TLN2: variants seen among roughly 807,000 people sequenced by gnomAD.
TLN2 encodes talin-2.
A neutral mutation model predicts 294.7 loss-of-function variants in TLN2; 118 were observed. The observed-to-expected ratio is 0.40, with a 90% CI of 0.34 to 0.47. The LOEUF (loss-of-function observed/expected upper bound fraction) is 0.47, where lower values mean the gene tolerates loss of function less well. Ranked by LOEUF, TLN2 falls within the 20% of genes least tolerant of loss-of-function variation. The pLI is 0.84. For missense variants in TLN2, 3,083 were observed against 3,282.2 expected, an observed-to-expected ratio of 0.94 and a Z score of 1.48; for synonymous variants, 1,431 against 1,304.5, an observed-to-expected ratio of 1.10 and a Z score of -2.09.
intron 1 of TLN2, among the ~76,000 whole-genome samples, chr15:62,544,368 T>C (rs2041871608): frequency 6.6e-6 from 1 of 152,162 alleles, no homozygotes; most frequent in African/African-American, 2.4e-5. Flanking sequence ...CTGTGGGGCA[T>C]CTGCTTCCTT....
intron 1 of TLN2, among the ~76,000 whole-genome samples, chr15:62,406,284 C>T (rs1410496877): frequency 6.6e-6 from 1 of 152,170 alleles, no homozygotes. Context: ...AGAAGGGCAT[C>T]TTCTCCCCGT....
intron 21 of TLN2, 81 bp downstream of exon 21, chr15:62,708,877 G>A: frequency 1.4e-6 from 2 of 1,473,714 alleles, no homozygotes; most frequent in South Asian, 1.3e-5. Context: ...GGAAGGTGAA[G>A]GCTGCCTGGA....
In TLN2 at chr15:62,741,748, C is replaced by CGCGTGTGTGTGTGTGTGTGTGTGTGT; in HGVS notation, c.4025+980_4025+981insCGTGTGTGTGTGTGTGTGTGTGTGTG. ...TTAACTTGGTTTTTTAAAATTTGCG[C>CGCGTGTGTGTGTGTGTGTGTGTGTGT]GTGTGTGTGTGTGTGTGTGTCTTTA... is the stretch of plus-strand genomic sequence containing the variant. On this transcript the variant is annotated intron_variant, in intron 32 of 58. Coordinates refer to ENST00000636159, the MANE Select transcript of TLN2 (RefSeq NM_015059.3). 3.3e-3 allele frequency among the ~76,000 whole-genome samples: 434 copies of CGCGTGTGTGTGTGTGTGTGTGTGTGT among 131,142 alleles called. 3 individuals are homozygous for CGCGTGTGTGTGTGTGTGTGTGTGTGT. Among genetic ancestry groups the CGCGTGTGTGTGTGTGTGTGTGTGTGT allele is most frequent in the African/African-American group, 7.7e-3 (264 of 34,320 alleles). 86.0% of individuals were successfully genotyped at this position (131,142 alleles called of 152,430 possible). A position where few individuals can be genotyped will look rare whatever the true frequency, so the allele number is the denominator to read the frequency against.
At chr15:62,498,451 A>T (rs1595943428) in intron 1 of TLN2, among the ~76,000 whole-genome samples, 1 of 152,074 alleles carries the variant, frequency 6.6e-6, no homozygotes, top group African/African-American at 2.4e-5. Flanking sequence ...CCTCCTGAGG[A>T]GTTTGTTGGA....
intron 1 of TLN2, among the ~76,000 whole-genome samples, chr15:62,555,731 A>G (rs1385664132): frequency 6.6e-6 from 1 of 152,190 alleles, no homozygotes; most frequent in African/African-American, 2.4e-5. Flanking sequence ...ATAATGTGTC[A>G]AACAGTTTGC....
intron 1 of TLN2, among the ~76,000 whole-genome samples, chr15:62,492,657 A>AT (rs370521353): frequency 1.5e-3 from 227 of 151,580 alleles, no homozygotes; most frequent in African/African-American, 4.9e-3. Context: ...TCCTTTTGTG[A>AT]TTTTTTTTCA....
At chr15:62,723,514 G>A (rs1444525644) in intron 26 of TLN2, among the ~76,000 whole-genome samples, 2 of 149,178 alleles carry the variant, frequency 1.3e-5, no homozygotes, top group East Asian at 2.0e-4. Context: ...TGTCCATTGG[G>A]TACAGGAAGA....
intron 1 of TLN2, among the ~76,000 whole-genome samples, chr15:62,551,916 A>T (rs1025050858): frequency 2.6e-5 from 4 of 152,230 alleles, no homozygotes; most frequent in African/African-American, 7.2e-5. Flanking sequence ...CCTTGACATT[A>T]AAATTATTTA....
intron 26 of TLN2, among the ~76,000 whole-genome samples, chr15:62,723,690 T>C (rs1372696665): frequency 1.3e-5 from 2 of 151,918 alleles, no homozygotes; most frequent in Non-Finnish European, 2.9e-5. Flanking sequence ...CACTGTCATG[T>C]GCCACCACAT....
intron 1 of TLN2, among the ~76,000 whole-genome samples, chr15:62,435,646 A>C (rs552225997): frequency 6.6e-6 from 1 of 151,312 alleles, no homozygotes; most frequent in Non-Finnish European, 1.5e-5. Context: ...GGTTCGAGCA[A>C]CTCTCTTGCC....
chr15:62,790,258 A>G (rs376671749), intron 45 of TLN2, among the ~76,000 whole-genome samples: 18 of 152,338 alleles, frequency 1.2e-4, no homozygotes, highest in African/African-American at 4.3e-4. Flanking sequence ...ATTTTAACTC[A>G]TAAAGGAAGA....
At chr15:62,559,762 AC>A (rs2140586919) in intron 1 of TLN2, among the ~76,000 whole-genome samples, 1 of 152,312 alleles carries the variant, frequency 6.6e-6, no homozygotes, top group East Asian at 1.9e-4. Context: ...AGAACTGGGG[AC>A]TGAGGCACTG....
chr15:62,480,444 A>G (rs28472935), intron 1 of TLN2, among the ~76,000 whole-genome samples: 94,370 of 151,968 alleles, frequency 0.62, 29,654 homozygotes, highest in African/African-American at 0.67. Flanking sequence ...GGCTGATCTC[A>G]AACTCCTGGC....
intron 50 of TLN2, among the ~76,000 whole-genome samples, chr15:62,802,745 C>G (rs184981459): frequency 8.5e-5 from 13 of 152,280 alleles, no homozygotes; most frequent in Non-Finnish European, 1.6e-4. Flanking sequence ...TTTGTTATTG[C>G]CTGCCTTTTG....
At chr15:62,630,360 C>T (rs1037571251) in intron 3 of TLN2, among the ~76,000 whole-genome samples, 1 of 152,162 alleles carries the variant, frequency 6.6e-6, no homozygotes, top group African/African-American at 2.4e-5. Context: ...GAGGGCCACT[C>T]AGACATTTTT....
At chr15:62,588,673 T>C (rs1375165387) in intron 1 of TLN2, among the ~76,000 whole-genome samples, 73 of 67,812 alleles carry the variant, frequency 1.1e-3, no homozygotes, top group Non-Finnish European at 1.7e-3. Flanking sequence ...TTCATATATA[T>C]ATATATATAT....
intron 3 of TLN2, among the ~76,000 whole-genome samples, chr15:62,619,986 A>G (rs536580379): frequency 8.6e-5 from 13 of 151,820 alleles, no homozygotes; most frequent in Non-Finnish European, 1.9e-4. Context: ...TTTTATTTTT[A>G]TTTTTAGAGA....
chr15:62,656,403 A>C (rs1348274285), intron 8 of TLN2, among the ~76,000 whole-genome samples: 1 of 152,158 alleles, frequency 6.6e-6, no homozygotes, highest in African/African-American at 2.4e-5. Flanking sequence ...CAAGTGCACT[A>C]AAGGTTTCTT....
At chr15:62,828,786 A>G (rs752447569) in intron 54 of TLN2, 7 of 152,180 alleles carry the variant, frequency 4.6e-5, no homozygotes, top group Non-Finnish European at 1.0e-4. Flanking sequence ...ATGCATTTTG[A>G]ATGGATATAT....
Sources: allele counts gnomAD v4.1 joint callset (sites outside exome capture counted in the v4.1 genomes callset), GRCh38; gene constraint gnomAD v4.1.1; transcripts MANE v1.5; gene names NCBI Gene and HGNC (gene_info 2026-07-23, HGNC 2026-07-21).